The following NTM variants were observed in gnomAD, a reference collection of about 807,000 sequenced individuals.
NTM encodes the protein neurotrimin, also known as IgLON family member 2.
NTM carries 13 observed loss-of-function variants against 42.1 expected under a neutral mutation model. The ratio of observed to expected loss-of-function variants is 0.31; its 90% CI spans 0.20 to 0.49. The LOEUF (loss-of-function observed/expected upper bound fraction) is 0.49, where lower values mean the gene tolerates loss of function less well. Ranked by LOEUF, NTM falls within the 20% of genes least tolerant of loss-of-function variation. The pLI is 0.99. For missense variants in NTM, 373 were observed against 452.8 expected (o/e 0.82, Z 1.60); for synonymous variants, 187 against 179.2 (o/e 1.04, Z -0.35).
At chr11:131,425,989 C>T (rs185853696) in intron 1 of NTM, among the ~76,000 whole-genome samples, 56 of 152,106 alleles carry the variant, frequency 3.7e-4, no homozygotes, top group South Asian at 1.0e-3. Flanking sequence ...TCTCACCAGG[C>T]GAGACATGAG....
intron 1 of NTM, among the ~76,000 whole-genome samples, chr11:131,817,617 A>G (rs181550041): frequency 6.6e-6 from 1 of 152,178 alleles, no homozygotes; most frequent in African/African-American, 2.4e-5. Context: ...GAATACTCAG[A>G]GTTTTAGTGC....
chr11:132,001,589 G>T (rs1043803165), intron 2 of NTM, among the ~76,000 whole-genome samples: 2 of 152,030 alleles, frequency 1.3e-5, no homozygotes, highest in Non-Finnish European at 2.9e-5. Context: ...AGGAGAGAGA[G>T]GGTGGGGAGG....
intron 2 of NTM, among the ~76,000 whole-genome samples, chr11:132,049,885 C>T (rs1315670698): frequency 6.6e-6 from 1 of 152,148 alleles, no homozygotes; most frequent in Admixed American, 6.5e-5. Flanking sequence ...ACTGATGTCT[C>T]ATTTTTGAGA....
At chr11:131,576,199 T>C (rs1047785912) in intron 1 of NTM, among the ~76,000 whole-genome samples, 3 of 152,168 alleles carry the variant, frequency 2.0e-5, no homozygotes, top group Non-Finnish European at 4.4e-5. Context: ...TGAAGTAATA[T>C]GGCTTTGCTC....
chr11:131,957,243 GA>G (rs1407122474), intron 2 of NTM, among the ~76,000 whole-genome samples: 3 of 152,094 alleles, frequency 2.0e-5, no homozygotes, highest in African/African-American at 7.2e-5. Context: ...AGAGGTAAAA[GA>G]AAAAAGTCTA....
chr11:131,821,607 ACAAAG>A (rs2093191213), intron 1 of NTM, among the ~76,000 whole-genome samples: 1 of 152,242 alleles, frequency 6.6e-6, no homozygotes, highest in South Asian at 2.1e-4. Flanking sequence ...AATCACGTAA[ACAAAG>A]CAAAGCGACA....
At chr11:131,909,033 A>G (rs2054285693) in intron 1 of NTM, among the ~76,000 whole-genome samples, 1 of 152,226 alleles carries the variant, frequency 6.6e-6, no homozygotes, top group African/African-American at 2.4e-5. Context: ...TGAGAATTTA[A>G]TATCAGAAAA....
At chr11:131,978,433 TACTC>T (rs1323852972) in intron 2 of NTM, among the ~76,000 whole-genome samples, 2 of 152,190 alleles carry the variant, frequency 1.3e-5, no homozygotes, top group Admixed American at 6.5e-5. Flanking sequence ...GAACAAATCT[TACTC>T]ATTATTAAGA....
At chr11:132,139,515 A>G (rs2068664236) in intron 2 of NTM, among the ~76,000 whole-genome samples, 1 of 152,220 alleles carries the variant, frequency 6.6e-6, no homozygotes, top group Non-Finnish European at 1.5e-5. Context: ...AGAGGATACT[A>G]CTGTATTTGA....
intron 2 of NTM, among the ~76,000 whole-genome samples, chr11:131,983,815 A>G (rs1033552395): frequency 7.2e-5 from 11 of 152,260 alleles, no homozygotes; most frequent in African/African-American, 2.7e-4. Flanking sequence ...GTAGTCACTC[A>G]GGGATCCAGG....
At chr11:132,057,814 A>G (rs55659754) in intron 2 of NTM, among the ~76,000 whole-genome samples, 4,303 of 151,512 alleles carry the variant, frequency 0.028, 207 homozygotes, top group African/African-American at 0.099. Context: ...GCAGCTGGGG[A>G]CTTCTCTCAC....
chr11:132,204,128 G>C (rs1358261944), intron 3 of NTM, among the ~76,000 whole-genome samples: 1 of 152,146 alleles, frequency 6.6e-6, no homozygotes, highest in African/African-American at 2.4e-5. Context: ...TGGGCAGTTG[G>C]TTGCCTTAGA....
chr11:131,854,756 A>C (rs2045937002), intron 1 of NTM, among the ~76,000 whole-genome samples: 1 of 152,194 alleles, frequency 6.6e-6, no homozygotes, highest in African/African-American at 2.4e-5. Context: ...TATTGTACAA[A>C]TGCAGATACT....
Position 131,467,980 on chromosome 11 carries a change from G to A in NTM, c.82+97092G>A, listed in dbSNP as rs144768926. 5.9e-4 allele frequency among the ~76,000 whole-genome samples: 90 copies of A among 152,306 alleles called. 2 individuals are homozygous for A. The East Asian group carries it at 0.016, about 28-fold the overall frequency. The stretch of plus-strand genomic sequence containing the variant: ...TTAAGAAGATTCTAACACATCGTGG[G>A]CATCCGAAACGTTCCAAAACTTCTT... On this transcript the variant is annotated intron_variant, in intron 1 of 8. Coordinates refer to ENST00000683400, the MANE Select transcript of NTM (RefSeq NM_001352005.2).
rs542295123 is a variant in NTM, at chr11:131,970,187, T to A, written c.167+58539T>A. Reference sequence around the variant, plus strand: ...CACCCTGTCACAACCAAATCATAATTGTCCTCATGCATCCAGGTCAAGAAT... The same window carrying A: ...CACCCTGTCACAACCAAATCATAATAGTCCTCATGCATCCAGGTCAAGAAT... On this transcript the variant is annotated intron_variant, in intron 2 of 8. Coordinates refer to ENST00000683400, the MANE Select transcript of NTM (RefSeq NM_001352005.2). Among the ~76,000 whole-genome samples the A allele has an allele frequency of 7.9e-5, 12 of 152,336 alleles. No homozygotes were observed. The South Asian group carries it at 1.4e-3, about 18-fold the overall frequency.
At chr11:131,752,301 C>T (rs2082662477) in intron 1 of NTM, among the ~76,000 whole-genome samples, 1 of 152,226 alleles carries the variant, frequency 6.6e-6, no homozygotes, top group Non-Finnish European at 1.5e-5. Flanking sequence ...CTCATCATCA[C>T]TGACCATCAG....
chr11:131,409,212 A>G (rs1946116389), intron 1 of NTM, among the ~76,000 whole-genome samples: 1 of 152,246 alleles, frequency 6.6e-6, no homozygotes, highest in East Asian at 1.9e-4. Context: ...TTAAGACTGC[A>G]AAGTATTAGC....
At chr11:132,147,517 A>G (rs966001128) in intron 3 of NTM, among the ~76,000 whole-genome samples, 5 of 152,086 alleles carry the variant, frequency 3.3e-5, no homozygotes, top group African/African-American at 1.2e-4. Context: ...AGGGCGTGGC[A>G]CATACAAGTG....
intron 1 of NTM, among the ~76,000 whole-genome samples, chr11:131,879,107 C>T (rs1317009878): frequency 6.6e-6 from 1 of 152,176 alleles, no homozygotes; most frequent in East Asian, 1.9e-4. Context: ...TCATAACCTA[C>T]AGTCTCCTTC....
Sources: gnomAD v4.1 joint callset for allele counts (sites outside exome capture counted in the v4.1 genomes callset) on GRCh38, gnomAD v4.1.1 for gene constraint, MANE v1.5 for transcripts, NCBI Gene and HGNC (gene_info 2026-07-23, HGNC 2026-07-21) for gene names.